The following DAB1 variants were observed in gnomAD, a reference collection of about 807,000 sequenced individuals.
DAB1 encodes disabled homolog 1.
DAB1 carries 15 observed loss-of-function variants against 64.6 expected under a neutral mutation model. The ratio of observed to expected loss-of-function variants is 0.23; its 90% confidence interval spans 0.16 to 0.36. The LOEUF (loss-of-function observed/expected upper bound fraction) is 0.36. Ranked by LOEUF, DAB1 falls within the 10% of genes least tolerant of loss-of-function variation. The pLI is 1.00. For missense variants in DAB1, 596 were observed against 706.7 expected (o/e 0.84, Z 1.78); for synonymous variants, 235 against 251.9 (o/e 0.93, Z 0.64).
intron 5 of DAB1, among the ~76,000 whole-genome samples, chr1:57,925,180 C>G (rs1644861947): frequency 1.3e-5 from 2 of 152,192 alleles, no homozygotes; most frequent in Non-Finnish European, 2.9e-5. Flanking sequence ...CAAAAATTAA[C>G]CTATGAAGTG....
intron 4 of DAB1, among the ~76,000 whole-genome samples, chr1:58,179,532 C>T (rs536317476): frequency 6.6e-6 from 1 of 152,096 alleles, no homozygotes; most frequent in Non-Finnish European, 1.5e-5. Flanking sequence ...AATCTATTCA[C>T]ATTTTTAATC....
At chr1:58,046,236 T>G (rs1293858837) in intron 5 of DAB1, among the ~76,000 whole-genome samples, 3 of 152,332 alleles carry the variant, frequency 2.0e-5, no homozygotes, top group African/African-American at 7.2e-5. Flanking sequence ...ATTCTGGATT[T>G]TCTTAAACTA....
intron 1 of DAB1, among the ~76,000 whole-genome samples, chr1:57,829,189 T>G (rs1652481712): frequency 6.6e-6 from 1 of 152,140 alleles, no homozygotes. Context: ...CCAAGGTGCA[T>G]TATGAAAAAT....
chr1:58,472,336 T>C (rs1198479513), intron 3 of DAB1, among the ~76,000 whole-genome samples: 1 of 152,240 alleles, frequency 6.6e-6, no homozygotes, highest in Non-Finnish European at 1.5e-5. Flanking sequence ...GTCTTCACTA[T>C]TTCATTTTAT....
intron 14 of DAB1, among the ~76,000 whole-genome samples, chr1:57,004,017 A>G (rs528673329): frequency 6.6e-6 from 1 of 152,198 alleles, no homozygotes; most frequent in East Asian, 1.9e-4. Context: ...TAAGCCTACT[A>G]TCCTCTCCAC....
intron 6 of DAB1, among the ~76,000 whole-genome samples, chr1:57,663,805 T>A (rs1384989063): frequency 2.6e-5 from 4 of 152,188 alleles, no homozygotes; most frequent in Non-Finnish European, 5.9e-5. Flanking sequence ...TGAACAATTT[T>A]AAAATGGCCT....
At chr1:57,189,231 T>C (rs912398681) in intron 2 of DAB1, among the ~76,000 whole-genome samples, 20 of 152,220 alleles carry the variant, frequency 1.3e-4, no homozygotes, top group African/African-American at 4.6e-4. Flanking sequence ...CACCACAAGA[T>C]ATAATAGCTG....
At chr1:57,867,422 G>C (rs1654355277) in intron 1 of DAB1, 1 of 152,114 alleles carries the variant, frequency 6.6e-6, no homozygotes, top group Admixed American at 6.6e-5. Context: ...CAGAGACATT[G>C]CCTGAACTGT....
chr1:57,230,212 GT>G (rs2100425388), intron 2 of DAB1, among the ~76,000 whole-genome samples: 1 of 151,464 alleles, frequency 6.6e-6, no homozygotes, highest in Non-Finnish European at 1.5e-5. Flanking sequence ...CTGAAATTGT[GT>G]AAGCTACCAT....
At chr1:58,364,368 A>G (rs1390817044) in intron 3 of DAB1, among the ~76,000 whole-genome samples, 2 of 152,188 alleles carry the variant, frequency 1.3e-5, no homozygotes, top group Non-Finnish European at 2.9e-5. Flanking sequence ...TGGGGAGCAG[A>G]AAGTCCTTCT....
chr1:58,435,467 C>G (rs1644932026), intron 3 of DAB1, among the ~76,000 whole-genome samples: 1 of 152,096 alleles, frequency 6.6e-6, no homozygotes, highest in Non-Finnish European at 1.5e-5. Context: ...AAGCGGTAAC[C>G]CATGTGTTCA....
chr1:57,427,521 T>C (rs1424224819), upstream of DAB1, among the ~76,000 whole-genome samples: 4 of 152,292 alleles, frequency 2.6e-5, no homozygotes, highest in South Asian at 8.3e-4. Context: ...CAAAATCAAA[T>C]GTCAGAAATC....
At chr1:57,301,293 G>A (rs1311455037) in intron 1 of DAB1, among the ~76,000 whole-genome samples, 1 of 152,170 alleles carries the variant, frequency 6.6e-6, no homozygotes, top group Non-Finnish European at 1.5e-5. Context: ...GGCAGAGTCT[G>A]ACCTCAGGTG....
intron 14 of DAB1, among the ~76,000 whole-genome samples, chr1:57,007,166 A>G (rs772367724): frequency 7.2e-5 from 11 of 152,208 alleles, no homozygotes; most frequent in Non-Finnish European, 1.6e-4. Flanking sequence ...CACGAAGATC[A>G]GTATTAAAAA....
chr1:57,686,068 AT>A (rs1038650652), intron 6 of DAB1, among the ~76,000 whole-genome samples: 1 of 152,272 alleles, frequency 6.6e-6, no homozygotes, highest in African/African-American at 2.4e-5. Flanking sequence ...TTAGAGAAGA[AT>A]TGAAATTGAG....
At chr1:57,626,208 T>A (rs2101622314) in intron 7 of DAB1, among the ~76,000 whole-genome samples, 1 of 152,266 alleles carries the variant, frequency 6.6e-6, no homozygotes, top group Admixed American at 6.5e-5. Flanking sequence ...GAGGCTGTAT[T>A]CCTATTTGGG....
chr1:57,585,977 G>A (rs1433332423), intron 7 of DAB1, among the ~76,000 whole-genome samples: 3 of 152,162 alleles, frequency 2.0e-5, no homozygotes, highest in African/African-American at 7.2e-5. Flanking sequence ...TCAACTGTGG[G>A]ATGAAGAGGG....
intron 4 of DAB1, among the ~76,000 whole-genome samples, chr1:57,073,450 A>G (rs1651693941): frequency 6.6e-6 from 1 of 152,204 alleles, no homozygotes; most frequent in African/African-American, 2.4e-5. Flanking sequence ...AATGTTCACC[A>G]TCCTATCGGG....
chr1:58,285,371 A>G (rs189982315), intron 4 of DAB1, among the ~76,000 whole-genome samples: 106 of 152,316 alleles, frequency 7.0e-4, no homozygotes, highest in African/African-American at 2.5e-3. Context: ...TGCAGATAAC[A>G]TGATCTTATA....
Sources: gnomAD v4.1 joint callset for allele counts (sites outside exome capture counted in the v4.1 genomes callset) on GRCh38, gnomAD v4.1.1 for gene constraint, MANE v1.5 for transcripts, NCBI Gene and HGNC (gene_info 2026-07-23, HGNC 2026-07-21) for gene names.